The following GBA2 variants were observed in gnomAD, a reference collection of about 807,000 sequenced individuals.
GBA2 encodes the protein non-lysosomal glucosylceramidase.
In GBA2, 79 loss-of-function variants were observed where a neutral mutation model predicts 112.9. The ratio of observed to expected loss-of-function variants is 0.70; its 90% CI spans 0.58 to 0.84. The LOEUF (loss-of-function observed/expected upper bound fraction) is 0.84. GBA2 is among the 40% of genes least tolerant of loss of function. The pLI, the probability that GBA2 is intolerant of heterozygous loss-of-function variation, is 0.00. For missense variants in GBA2, 1,043 were observed against 1,190.0 expected (o/e 0.88, Z 1.82); for synonymous variants, 403 against 434.3 (o/e 0.93, Z 0.90).
In GBA2 at chr9:35,737,865, CCCTCCTGCAAAGG is replaced by C; in HGVS notation, c.2375_2387del (p.Ala792GlyfsTer6). 6.2e-7 allele frequency: 1 copy of C among 1,613,730 alleles called. No individual in the cohort carries two copies. ...GCATCCCATTCACAGCCCCCATGGC[CCCTCCTGCAAAGG>C]CCTGGACGTTCAGCTCAAAGATAGT... is the stretch of plus-strand genomic sequence containing the variant. On this transcript the variant is annotated frameshift_variant, in exon 16 of 17. Transcript: ENST00000378103. LOFTEE classifies it high-confidence loss of function. The surrounding 1 kb of genome is among the most constrained non-coding windows in gnomAD (Gnocchi z 4.1).
In GBA2 at chr9:35,737,647, A is replaced by G; in HGVS notation, c.2505+101T>C. On this transcript the variant is annotated intron_variant, in intron 16 of 16. Transcript: ENST00000378103. The surrounding 1 kb of genome is among the most constrained non-coding windows in gnomAD (Gnocchi z 4.1). ...GAAAAATGGGAGGCTTTATAGACGG[A>G]CAAGATGGCATTGGGTTATGCCTTG... 1 of 1,606,726 alleles carries G rather than the reference A, an allele frequency of 6.2e-7. No homozygotes were observed. The highest frequency in any genetic ancestry group is 8.5e-7 in the Non-Finnish European group (1 of 1,175,894).
Position 35,737,304 on chromosome 9 carries a change from T to C in GBA2, c.2649A>G (p.Ile883Met). ...GTTGCAGGGCTAGCTGCATGGCCCA[T>C]ATGCTCAGTGGCCGCATGTAGGCCA... ...RSLAYMRPLS[I>M]WAMQLALQQQ... The change falls in exon 17 of 17, where the codon ATA becomes ATG. Residue 883 changes from isoleucine to methionine, a missense_variant. Ile to Met is a conservative substitution (Grantham distance 10). Transcript: ENST00000378103. This position sits in a 1 kb window ranked among gnomAD's most constrained non-coding sequence, Gnocchi z 4.1. The C allele has an allele frequency of 1.9e-6, 3 of 1,614,106 alleles. No individual in the cohort carries two copies. The highest frequency in any genetic ancestry group is 2.5e-6 in the Non-Finnish European group (3 of 1,180,002).
rs1181746712 is a variant in GBA2 at position 35,738,242 on chromosome 9, C to T, written c.2187G>A (p.Leu729=). ...LSRGQEAYER[L]LWNGRYYNYD... ...GCTCCCCGAACTCACCATTCCACAG[C>T]AGTCTCTCATAGGCTTCTTGGCCCC... Residue 729 remains leucine, a synonymous_variant, in exon 14 of 17, where the codon CTG becomes CTA. Transcript: ENST00000378103. 12 of 1,614,218 alleles carry T rather than the reference C, an allele frequency of 7.4e-6. No individual in the cohort carries two copies. The highest frequency in any genetic ancestry group is 1.3e-5 in the African/African-American group (1 of 75,042).
In GBA2 at chr9:35,748,650, T is replaced by C. The variant is rs756454920; in HGVS notation, c.55A>G (p.Ile19Val). Residue 19 changes from isoleucine (I) to valine (V), a missense_variant, in exon 1 of 17, where the codon ATA (isoleucine) becomes GTA (valine). Coordinates refer to ENST00000378103, the MANE Select transcript of GBA2 (RefSeq NM_020944.3). ...TGTGGATCCTCTTTGGCACAGCTTA[T>C]CTGCTCCGAGGCTGGGACGCCGGTT... ...MGTGVPASEQ[I>V]SCAKEDPQVY... 1 of 1,605,990 alleles carries C rather than the reference T, an allele frequency of 6.2e-7. No individual in the cohort carries two copies. Among genetic ancestry groups the C allele is most frequent in the South Asian group, 1.1e-5 (1 of 90,288 alleles).
In GBA2 at chr9:35,737,955, C is replaced by T. The variant is rs547965402; in HGVS notation, c.2314-16G>A. ...TAGGAAACACCTGGAGGGGCAAGGG[C>T]AGGAACATGGTCTCATATACTTACT... On this transcript the variant is annotated splice_polypyrimidine_tract_variant and intron_variant, in intron 15 of 16. Transcript: ENST00000378103. This position sits in a 1 kb window ranked among gnomAD's most constrained non-coding sequence, Gnocchi z 4.1. 5 of 1,607,488 alleles carry T rather than the reference C, an allele frequency of 3.1e-6. No individual in the cohort carries two copies. The Admixed American group carries it at 6.7e-5, about 21-fold the overall frequency.
Position 35,738,898 on chromosome 9 carries a change from C to T in GBA2, c.1801G>A (p.Glu601Lys). 3 of 1,614,124 alleles carry T rather than the reference C, an allele frequency of 1.9e-6. No individual in the cohort carries two copies. The highest frequency in any genetic ancestry group is 2.5e-6 in the Non-Finnish European group (3 of 1,179,978). Residue 601 changes from glutamate to lysine, a missense_variant, in exon 12 of 17, where the codon GAA becomes AAA. By Grantham distance (56) the Glu-to-Lys change is moderately conservative. Coordinates refer to ENST00000378103, the MANE Select transcript of GBA2 (RefSeq NM_020944.3). ...TATGCATTGACGCGGAGCCATGGTT[C>T]ATCATCTGTGGGAGAGGAGGGGACT... ...IPHDIGDPDD[E>K]PWLRVNAYLI...
Position 35,739,037 on chromosome 9 carries a change from C to T in GBA2, c.1760G>A (p.Arg587Lys). 2 of 1,613,766 alleles carry T rather than the reference C, an allele frequency of 1.2e-6. No homozygotes were observed. The highest frequency in any genetic ancestry group is 1.7e-5 in the Admixed American group (1 of 59,996). Reference sequence around the variant, plus strand: ...AATATCATGGGGGATGACGTTCCTCCTTTTCACAGGTGCCATCACCCCACT... The same window carrying T: ...AATATCATGGGGGATGACGTTCCTCTTTTTCACAGGTGCCATCACCCCACT... Reference protein sequence around the residue: ...LMSGVMAPVKRRNVIPHDIGD... With the variant: ...LMSGVMAPVKKRNVIPHDIGD... Residue 587 changes from arginine (R) to lysine (K), a missense_variant, in exon 11 of 17, where the codon AGG becomes AAG. Transcript: ENST00000378103.
At position 35,748,700 on chromosome 9, in the gene GBA2, C is replaced by T. The variant is rs1424143333; in HGVS notation, c.5G>A (p.Gly2Glu). Residue 2 changes from glycine to glutamate, a missense_variant, in exon 1 of 17, where the codon GGG becomes GAG. Physicochemically the swap from Gly to Glu is moderately conservative, Grantham distance 98. Coordinates refer to ENST00000378103, the MANE Select transcript of GBA2 (RefSeq NM_020944.3). M[G>E]TQDPGNMGTG... ...TCCCATGTTCCCTGGATCCTGGGTC[C>T]CCATGACCTCGATGGCGCCAAGTCC... The T allele has an allele frequency of 3.9e-6, 6 of 1,542,740 alleles. No individual in the cohort carries two copies. Among genetic ancestry groups the T allele is most frequent in the Non-Finnish European group, 4.4e-6 (5 of 1,139,898 alleles).
chr9:35,741,340 T>G lies in GBA2; in HGVS notation c.787-276A>C, dbSNP rs867067014. The G allele has an allele frequency of 9.2e-3, 4,291 of 464,866 alleles. 66 individuals are homozygous for G. The highest frequency in any genetic ancestry group is 0.045 in the African/African-American group (2,291 of 50,468). 28.8% of individuals were successfully genotyped at this position (464,866 alleles called of 1,614,324 possible). A position where few individuals can be genotyped will look rare whatever the true frequency, so the allele number is the denominator to read the frequency against. ...CATGCAGTTTCTTTTTTTTTTTTTT[T>G]GGGGGGTGCGGTGGCGCAATCTCGG... On this transcript the variant is annotated intron_variant, in intron 4 of 16. Coordinates refer to ENST00000378103, the MANE Select transcript of GBA2 (RefSeq NM_020944.3). The surrounding 1 kb of genome is among the most constrained non-coding windows in gnomAD (Gnocchi z 4.6).
chr9:35,738,074 A>G lies in GBA2; in HGVS notation c.2276T>C (p.Phe759Ser). 6.2e-7 allele frequency: 1 copy of G among 1,613,320 alleles called. No homozygotes were observed. The highest frequency in any genetic ancestry group is 8.5e-7 in the Non-Finnish European group (1 of 1,179,390). ...VMSDQCAGQW[F>S]LKACGLGEGD... ...TTCTCCTAGGCCACAGGCCTTCAGG[A>G]ACCACTGTCCAGCACACTGGTCAGA... The change falls in exon 15 of 17, where the codon TTC becomes TCC. Residue 759 changes from phenylalanine (F) to serine (S), a missense_variant. By Grantham distance (155) the Phe-to-Ser change is radical. Coordinates refer to ENST00000378103, the MANE Select transcript of GBA2 (RefSeq NM_020944.3).
In GBA2 at chr9:35,737,218, C is replaced by A; in HGVS notation, c.2735G>T (p.Gly912Val). 2 of 1,612,678 alleles carry A rather than the reference C, an allele frequency of 1.2e-6. No individual in the cohort carries two copies. Among genetic ancestry groups the A allele is most frequent in the Non-Finnish European group, 1.7e-6 (2 of 1,180,022 alleles). Residue 912 changes from glycine (G) to valine (V), a missense_variant, in exon 17 of 17, where the codon GGG (glycine) becomes GTG (valine). Transcript: ENST00000378103. The surrounding 1 kb of genome is among the most constrained non-coding windows in gnomAD (Gnocchi z 4.1). ...KVKQGTGLRTGPMFGPKEAMA... is the reference protein window; with the variant it reads ...KVKQGTGLRTVPMFGPKEAMA... ...GGCTTCCTTTGGTCCAAACATAGGCCCTGTCCTTAGTCCTGTGCCCTGTTT... is the reference window on the plus strand; with the variant it reads ...GGCTTCCTTTGGTCCAAACATAGGCACTGTCCTTAGTCCTGTGCCCTGTTT...
rs910281031 is a variant in GBA2 at position 35,740,666 on chromosome 9, G to A, written c.1027-38C>T. 15 of 1,545,266 alleles carry A rather than the reference G, an allele frequency of 9.7e-6. No homozygotes were observed. The highest frequency in any genetic ancestry group is 8.9e-5 in the South Asian group (8 of 89,434). The stretch of plus-strand genomic sequence containing the variant: ...CAGGGACTGTGAGGGCAGGCTCCAC[G>A]AGTACACTGGGTCCCGGCTAGCTCC... On this transcript the variant is annotated intron_variant, in intron 5 of 16. Transcript: ENST00000378103. The surrounding 1 kb of genome is among the most constrained non-coding windows in gnomAD (Gnocchi z 4.7).
Position 35,748,881 on chromosome 9 carries a change from CAGCA to C in GBA2, c.-181_-178del, listed in dbSNP as rs1266833045. ...GCTCTTGCTTCAGTGGGGGCGGCGA[CAGCA>C]AAGAAGCCGCCTTGGGCTCTCCTTC... On this transcript the variant is annotated 5_prime_UTR_variant, in exon 1 of 17. The change creates a premature stop within an existing upstream ORF in the 5' untranslated region. Transcript: ENST00000378103. 1 of 543,752 alleles carries C rather than the reference CAGCA, an allele frequency of 1.8e-6. No homozygotes were observed. Among genetic ancestry groups the C allele is most frequent in the Non-Finnish European group, 3.2e-6 (1 of 308,060 alleles). 33.7% of individuals were successfully genotyped at this position (543,752 alleles called of 1,614,324 possible).
chr9:35,738,584 T>C lies in GBA2; in HGVS notation c.1996A>G (p.Ile666Val). The C allele has an allele frequency of 6.2e-7, 1 of 1,614,076 alleles. No individual in the cohort carries two copies. Among genetic ancestry groups the C allele is most frequent in the Non-Finnish European group, 8.5e-7 (1 of 1,179,902 alleles). Reference sequence around the variant, plus strand: ...TGGTCTGCATAGCCTCCATTTTCAATGAGTCCATCATGGTCCTTGTCAAAC... The same window carrying C: ...TGGTCTGCATAGCCTCCATTTTCAACGAGTCCATCATGGTCCTTGTCAAAC... Reference protein sequence around the residue: ...MKFDKDHDGLIENGGYADQTY... With the variant: ...MKFDKDHDGLVENGGYADQTY... The change falls in exon 13 of 17, where the codon ATT becomes GTT. Residue 666 changes from isoleucine (I) to valine (V), a missense_variant. Transcript: ENST00000378103.
At chr9:35,745,793 C>CCCCTG (rs1010251178) in intron 1 of GBA2, among the ~76,000 whole-genome samples, 6 of 152,090 alleles carry the variant, frequency 3.9e-5, no homozygotes, top group African/African-American at 1.4e-4. Flanking sequence ...CACTAAGTAG[C>CCCCTG]CCCTGCCCTG....
rs754848763 is a variant in GBA2, at chr9:35,739,682, T to A, written c.1528A>T (p.Met510Leu). Residue 510 changes from methionine (M) to leucine (L), a missense_variant, in exon 9 of 17, where the codon ATG becomes TTG. Coordinates refer to ENST00000378103, the MANE Select transcript of GBA2 (RefSeq NM_020944.3). ...CGTAGGGTGGGGCGGAGGTGACACA[T>A]GTTTCTGCCCAGCTCCTCTGGTAGG... is the stretch of plus-strand genomic sequence containing the variant. Reference protein sequence around the residue: ...DSLPEELGRNMCHLRPTLRDY... With the variant: ...DSLPEELGRNLCHLRPTLRDY... 3.7e-6 allele frequency: 6 copies of A among 1,613,848 alleles called. No individual in the cohort carries two copies. The East Asian group carries it at 1.3e-4, about 36-fold the overall frequency.
Position 35,740,487 on chromosome 9 carries a change from CCT to C in GBA2, c.1129+37_1129+38del. On this transcript the variant is annotated intron_variant, in intron 6 of 16. Transcript: ENST00000378103. The surrounding 1 kb of genome is among the most constrained non-coding windows in gnomAD (Gnocchi z 4.7). Reference sequence around the variant, plus strand: ...ACCCCTGGTCCCAAGACAGGGACAACCTCTCTTCCCACCATCTCCCAGTCAGA... The same window carrying C: ...ACCCCTGGTCCCAAGACAGGGACAACCTCTTCCCACCATCTCCCAGTCAGA... 6.3e-7 allele frequency: 1 copy of C among 1,577,110 alleles called. No homozygotes were observed. Among genetic ancestry groups the C allele is most frequent in the Non-Finnish European group, 8.7e-7 (1 of 1,147,588 alleles).
Position 35,741,029 on chromosome 9 carries a change from A to G in GBA2, c.822T>C (p.Asp274=). 1 of 1,614,032 alleles carries G rather than the reference A, an allele frequency of 6.2e-7. No individual in the cohort carries two copies. The highest frequency in any genetic ancestry group is 8.5e-7 in the Non-Finnish European group (1 of 1,179,952). The change falls in exon 5 of 17, where the codon GAT becomes GAC. Residue 274 remains aspartate, a synonymous_variant. Coordinates refer to ENST00000378103, the MANE Select transcript of GBA2 (RefSeq NM_020944.3). The surrounding 1 kb of genome is among the most constrained non-coding windows in gnomAD (Gnocchi z 4.6). ...GAGCTTCGTCCCCTTCATTTTCCAC[A>G]TCCCACACAAAGACTCCTACAGGCA... ...SSLPVGVFVW[D]VENEGDEALD... is the part of the protein sequence containing the mutation.
chr9:35,741,898 G>C lies in GBA2; in HGVS notation c.568-8C>G. On this transcript the variant is annotated splice_region_variant and splice_polypyrimidine_tract_variant and intron_variant, in intron 3 of 16. Transcript: ENST00000378103. This position sits in a 1 kb window ranked among gnomAD's most constrained non-coding sequence, Gnocchi z 4.6. ...ACGCAGGCACACTGTGAACTTAAGAGGGCAGATAGGCTGGAACGGGGTAAA... is the reference window on the plus strand; with the variant it reads ...ACGCAGGCACACTGTGAACTTAAGACGGCAGATAGGCTGGAACGGGGTAAA... The C allele has an allele frequency of 6.2e-7, 1 of 1,603,206 alleles. No individual in the cohort carries two copies. The highest frequency in any genetic ancestry group is 8.5e-7 in the Non-Finnish European group (1 of 1,170,302).
Sources: gnomAD v4.1 joint callset for allele counts (sites outside exome capture counted in the v4.1 genomes callset) on GRCh38, gnomAD v4.1.1 for gene constraint, Gnocchi (gnomAD v3.1) non-coding constraint, MANE v1.5 for transcripts, NCBI Gene and HGNC (gene_info 2026-07-23, HGNC 2026-07-21) for gene names.